WWP2: variants seen among roughly 807,000 people sequenced by gnomAD.
WWP2 encodes NEDD4-like E3 ubiquitin-protein ligase WWP2.
Under a neutral mutation model 121.0 loss-of-function variants are expected in WWP2, and 57 were observed. The ratio of observed to expected loss-of-function variants is 0.47; its 90% CI spans 0.38 to 0.59. The LOEUF (loss-of-function observed/expected upper bound fraction) is 0.59. Ranked by LOEUF, WWP2 falls within the 20% of genes least tolerant of loss-of-function variation. The pLI, the probability that WWP2 is intolerant of heterozygous loss-of-function variation, is 0.00. For missense variants in WWP2, 962 were observed against 1,158.9 expected (o/e 0.83, Z 2.47); for synonymous variants, 449 against 441.3 (o/e 1.02, Z -0.22).
chr16:69,854,965 C>T (rs2057284259), intron 6 of WWP2, among the ~76,000 whole-genome samples: 2 of 152,196 alleles, frequency 1.3e-5, no homozygotes, highest in Non-Finnish European at 2.9e-5. Flanking sequence ...AAGTGATCCT[C>T]TTGCCTCAGC....
intron 1 of WWP2, among the ~76,000 whole-genome samples, chr16:69,775,301 A>G (rs547255288): frequency 7.9e-5 from 12 of 152,308 alleles, no homozygotes; most frequent in African/African-American, 2.6e-4. Flanking sequence ...AAAATCTTTC[A>G]TAGGCTTTAT....
chr16:69,785,351 A>G (rs1216237190), intron 1 of WWP2, among the ~76,000 whole-genome samples: 5 of 152,166 alleles, frequency 3.3e-5, no homozygotes, highest in African/African-American at 7.2e-5. Context: ...GAATGCTTTT[A>G]TCTACTACCA....
intron 5 of WWP2, among the ~76,000 whole-genome samples, chr16:69,841,277 C>T (rs2056972177): frequency 6.6e-6 from 1 of 152,136 alleles, no homozygotes; most frequent in Non-Finnish European, 1.5e-5. Context: ...CAGTGAAAAC[C>T]ACAGGGTGCT....
chr16:69,763,062 CAA>C (rs1191397460), intron 1 of WWP2, among the ~76,000 whole-genome samples: 1 of 151,706 alleles, frequency 6.6e-6, no homozygotes, highest in Non-Finnish European at 1.5e-5. Flanking sequence ...CTTTAAAAAA[CAA>C]AAAAAGAAAA....
In WWP2 at chr16:69,929,437, T is replaced by C. The variant is rs923730373; in HGVS notation, c.1235-11T>C. 1.9e-6 allele frequency: 3 copies of C among 1,612,452 alleles called. No individual in the cohort carries two copies. In the African/African-American group the frequency reaches 4.0e-5, roughly 22 times the overall value. ...TGAATCTGATGTTCTTTCTTTCTTC[T>C]CATGTGGCAGAGAAGAGACAGGACA... On this transcript the variant is annotated splice_polypyrimidine_tract_variant and intron_variant, in intron 11 of 23. Transcript: ENST00000359154.
intron 2 of WWP2, among the ~76,000 whole-genome samples, chr16:69,791,118 G>A (rs1242172117): frequency 1.3e-5 from 2 of 152,158 alleles, no homozygotes; most frequent in Non-Finnish European, 2.9e-5. Context: ...CTAATAATTA[G>A]CAAGTCTAGG....
intron 1 of WWP2, chr16:69,785,966 T>C (rs1294629903): frequency 6.6e-6 from 1 of 151,290 alleles, no homozygotes; most frequent in Non-Finnish European, 1.5e-5. Flanking sequence ...CTTCTTTTTC[T>C]CTTTCCTTTT....
chr16:69,774,859 A>C (rs576585036), intron 1 of WWP2: 28 of 151,738 alleles, frequency 1.8e-4, no homozygotes, highest in African/African-American at 6.3e-4. Context: ...AACCCTAGCT[A>C]CTCAGGAGGC....
Position 69,939,302 on chromosome 16 carries a change from G to A in WWP2, c.2441-39G>A, listed in dbSNP as rs573314637. ...GGAGGATCCTGCTTTGGGAAGGGAC[G>A]TCTCTGCTGACGTCGGCGTGTTTTA... On this transcript the variant is annotated intron_variant, in intron 22 of 23. Transcript: ENST00000359154. The A allele has an allele frequency of 1.4e-5, 23 of 1,612,902 alleles. No homozygotes were observed. The South Asian group carries it at 1.5e-4, about 11-fold the overall frequency.
At chr16:69,850,291 G>T (rs2057180182) in intron 6 of WWP2, among the ~76,000 whole-genome samples, 1 of 151,482 alleles carries the variant, frequency 6.6e-6, no homozygotes, top group Non-Finnish European at 1.5e-5. Context: ...GGAGGCTGAG[G>T]CAGGAGAATG....
At chr16:69,787,411 A>G (rs1038748318) in intron 2 of WWP2, among the ~76,000 whole-genome samples, 2 of 152,090 alleles carry the variant, frequency 1.3e-5, no homozygotes, top group Non-Finnish European at 2.9e-5. Context: ...AAACATAGGG[A>G]AGCCCTGTCT....
At chr16:69,825,701 C>T (rs1321163344) in intron 4 of WWP2, among the ~76,000 whole-genome samples, 1 of 150,136 alleles carries the variant, frequency 6.7e-6, no homozygotes, top group African/African-American at 2.5e-5. Context: ...TCACAGCTCA[C>T]TGCAGCCTTG....
chr16:69,904,651 A>C (rs959570600), intron 8 of WWP2, among the ~76,000 whole-genome samples: 1 of 152,178 alleles, frequency 6.6e-6, no homozygotes, highest in African/African-American at 2.4e-5. Context: ...TACTGTAGGC[A>C]TGAGCCACTG....
At chr16:69,906,613 AGGCACGTT>A (rs1244777654) in intron 8 of WWP2, among the ~76,000 whole-genome samples, 1 of 152,224 alleles carries the variant, frequency 6.6e-6, no homozygotes, top group Non-Finnish European at 1.5e-5. Flanking sequence ...CATAGAGGGT[AGGCACGTT>A]GGTTTGTGAT....
At chr16:69,900,046 G>A (rs1352450070) in intron 8 of WWP2, among the ~76,000 whole-genome samples, 1 of 152,116 alleles carries the variant, frequency 6.6e-6, no homozygotes, top group Non-Finnish European at 1.5e-5. Flanking sequence ...CCATTTGGGG[G>A]TGTTTAGGTT....
intron 10 of WWP2, chr16:69,924,896 G>A: frequency 1.0e-6 from 1 of 984,970 alleles, no homozygotes; most frequent in Non-Finnish European, 1.2e-6. Context: ...GGACGCCGAG[G>A]TGGAGGGAGG....
At chr16:69,936,818 C>T in intron 19 of WWP2, 1 of 473,884 alleles carries the variant, frequency 2.1e-6, no homozygotes, top group South Asian at 2.6e-5. Flanking sequence ...CGTGCCTGTT[C>T]CTCAGGCCTC....
chr16:69,765,447 A>T (rs1472955314), intron 1 of WWP2, among the ~76,000 whole-genome samples: 1 of 152,192 alleles, frequency 6.6e-6, no homozygotes, highest in Non-Finnish European at 1.5e-5. Flanking sequence ...CTTCAATTTT[A>T]TTAGAGAAGG....
At chr16:69,786,300 T>C (rs866829602) in intron 1 of WWP2, among the ~76,000 whole-genome samples, 2 of 151,750 alleles carry the variant, frequency 1.3e-5, no homozygotes, top group African/African-American at 2.4e-5. Flanking sequence ...CCCACCACTA[T>C]GCTTGGCTAA....
Sources: gnomAD v4.1 joint callset for allele counts (sites outside exome capture counted in the v4.1 genomes callset) on GRCh38, gnomAD v4.1.1 for gene constraint, MANE v1.5 for transcripts, NCBI Gene and HGNC (gene_info 2026-07-23, HGNC 2026-07-21) for gene names.